The following MRPL44 variants were observed in gnomAD, a reference collection of about 807,000 sequenced individuals.
MRPL44 encodes the protein mitochondrial ribosomal protein L44, also known as large ribosomal subunit protein mL44.
In MRPL44, 21 loss-of-function variants were observed where a neutral mutation model predicts 25.9. That is an observed-to-expected ratio of 0.81 (90% CI 0.58 to 1.17). The LOEUF is 1.17. Among genes scored for constraint, MRPL44 ranks in the 50% most tolerant of loss-of-function variants. The pLI is 0.00. For synonymous variants in MRPL44, 169 were observed against 151.0 expected (o/e 1.12, Z -0.87); for missense variants, 410 against 398.9 (o/e 1.03, Z -0.24).
In MRPL44 at chr2:223,957,463, C is replaced by G. The variant is rs746740405; in HGVS notation, c.-10C>G. On this transcript the variant is annotated 5_prime_UTR_variant, in exon 1 of 4. Coordinates refer to ENST00000258383, the MANE Select transcript of MRPL44 (RefSeq NM_022915.5). ...CTTTCGTTCCGTCTTCCATCGTTTT[C>G]TCTCGTGCAATGGCGTCCGGGCTGG... The G allele has an allele frequency of 2.5e-6, 4 of 1,614,032 alleles. No homozygotes were observed. The highest frequency in any genetic ancestry group is 3.4e-6 in the Non-Finnish European group (4 of 1,180,028).
chr2:223,954,320 C>G (rs1689533131), upstream of MRPL44, among the ~76,000 whole-genome samples: 1 of 152,238 alleles, frequency 6.6e-6, no homozygotes, highest in Non-Finnish European at 1.5e-5. Flanking sequence ...TTGCCATTTT[C>G]ATCCAATTGA....
chr2:223,960,002 G>C lies in MRPL44; in HGVS notation c.648G>C (p.Arg216Ser). 8 of 1,592,546 alleles carry C rather than the reference G, an allele frequency of 5.0e-6. No individual in the cohort carries two copies. Among genetic ancestry groups the C allele is most frequent in the Non-Finnish European group, 6.8e-6 (8 of 1,168,244 alleles). The part of the protein sequence containing the change: ...SGPERTALFI[R>S]DFLITQMTGK... ...CTGAGAGGACTGCACTTTTCATCAG[G>C]GTACGTAACTATTAATTGGACATGC... The change falls in exon 2 of 4, where the codon AGG (arginine) becomes AGC (serine). Residue 216 changes from arginine to serine, a missense_variant and splice_region_variant. By Grantham distance (110) the Arg-to-Ser change is moderately radical. Coordinates refer to ENST00000258383, the MANE Select transcript of MRPL44 (RefSeq NM_022915.5).
chr2:223,963,678 A>G (rs1417878074), intron 2 of MRPL44, 78 bp from the exon 3 acceptor site: 16 of 920,768 alleles, frequency 1.7e-5, no homozygotes, highest in Non-Finnish European at 2.4e-5. Flanking sequence ...TAATTTAAAA[A>G]GTGTAAAAAA....
At position 223,957,631 on chromosome 2, in the gene MRPL44, C is replaced by T; in HGVS notation, c.159C>T (p.Cys53=). ...TAGAGCGGCAGCGCCTTCTGCGGTG[C>T]CCGCCGCCGCCCGTGCGCCGGTAGG... ...KELERQRLLR[C]PPPPVRRSEK... The change falls in exon 1 of 4, where the codon TGC becomes TGT. Residue 53 remains cysteine, a synonymous_variant. Coordinates refer to ENST00000258383, the MANE Select transcript of MRPL44 (RefSeq NM_022915.5). 5 of 1,608,300 alleles carry T rather than the reference C, an allele frequency of 3.1e-6. No individual in the cohort carries two copies. The highest frequency in any genetic ancestry group is 4.2e-6 in the Non-Finnish European group (5 of 1,179,544).
intron 3 of MRPL44, 110 bp downstream of exon 3, chr2:223,964,044 C>T (rs1376984652): frequency 7.5e-6 from 6 of 801,110 alleles, no homozygotes; most frequent in African/African-American, 1.8e-5. Context: ...GTTAACATAA[C>T]CTCTTCAGAT....
intron 1 of MRPL44, among the ~76,000 whole-genome samples, chr2:223,958,444 C>G (rs948334405): frequency 2.0e-5 from 3 of 152,184 alleles, no homozygotes; most frequent in East Asian, 1.9e-4. Context: ...GAACGGTCTT[C>G]TAACAGAGAA....
intron 3 of MRPL44, 78 bp downstream of exon 3, chr2:223,964,012 C>T: frequency 8.8e-7 from 1 of 1,138,226 alleles, no homozygotes; most frequent in Middle Eastern, 2.0e-4. Context: ...CTTAAAAACA[C>T]TCTTCACATT....
In MRPL44 at chr2:223,959,936, T is replaced by C; in HGVS notation, c.582T>C (p.Thr194=). ...TGCCCCCAGCTGTGTTACAGCAGAC[T>C]TTCTTTGCAGTTATTGGAGCCCTGT... ...FPVPPAVLQQ[T]FFAVIGALLQ... is the part of the protein sequence containing the mutation. The change falls in exon 2 of 4, where the codon ACT becomes ACC. Residue 194 remains threonine (T), a synonymous_variant. Coordinates refer to ENST00000258383, the MANE Select transcript of MRPL44 (RefSeq NM_022915.5). 6.2e-7 allele frequency: 1 copy of C among 1,614,240 alleles called. No homozygotes were observed. Among genetic ancestry groups the C allele is most frequent in the Non-Finnish European group, 8.5e-7 (1 of 1,180,036 alleles).
chr2:223,957,168 AAG>A (rs1293110854), upstream of MRPL44, among the ~76,000 whole-genome samples: 2 of 152,286 alleles, frequency 1.3e-5, no homozygotes, highest in African/African-American at 4.8e-5. Context: ...AGGAAGGAAC[AAG>A]AGAGTGACAG....
chr2:223,964,035 TTAACA>T (rs1214675235), intron 3 of MRPL44, 101 bp downstream of exon 3: 1 of 911,716 alleles, frequency 1.1e-6, no homozygotes, highest in Non-Finnish European at 1.7e-6. Flanking sequence ...ATAAGGAATG[TTAACA>T]TAACCTCTTC....
upstream of MRPL44, among the ~76,000 whole-genome samples, chr2:223,957,215 A>C (rs895870440): frequency 6.6e-6 from 1 of 152,272 alleles, no homozygotes; most frequent in East Asian, 1.9e-4. Flanking sequence ...TTTTGGGCGC[A>C]AACGCCCTCA....
At chr2:223,955,149 A>T (rs1689545492), upstream of MRPL44, among the ~76,000 whole-genome samples, 3 of 152,174 alleles carry the variant, frequency 2.0e-5, no homozygotes, top group South Asian at 6.2e-4. Flanking sequence ...TTTGCTAATC[A>T]GTTTTACTAT....
At chr2:223,966,793 T>G in intron 3 of MRPL44, 70 bp from the exon 4 acceptor site, 1 of 1,401,480 alleles carries the variant, frequency 7.1e-7, no homozygotes, top group Non-Finnish European at 9.7e-7. Context: ...CATAATTGCT[T>G]TATAACTGCT....
At chr2:223,957,837 G>A (rs1387498669) in intron 1 of MRPL44, among the ~76,000 whole-genome samples, 186 bp downstream of exon 1, 1 of 152,222 alleles carries the variant, frequency 6.6e-6, no homozygotes. Flanking sequence ...GCGGGCGGTA[G>A]AGCTTCGGGC....
chr2:223,960,016 A>G lies in MRPL44; in HGVS notation c.648+14A>G. 1.3e-6 allele frequency: 2 copies of G among 1,563,230 alleles called. No individual in the cohort carries two copies. The highest frequency in any genetic ancestry group is 1.7e-6 in the Non-Finnish European group (2 of 1,144,504). ...CTTTTCATCAGGGTACGTAACTATT[A>G]ATTGGACATGCTTGAGATAGACAGA... On this transcript the variant is annotated intron_variant, in intron 2 of 3. Coordinates refer to ENST00000258383, the MANE Select transcript of MRPL44 (RefSeq NM_022915.5).
chr2:223,960,618 C>A (rs1015185428), intron 2 of MRPL44, among the ~76,000 whole-genome samples: 2 of 152,184 alleles, frequency 1.3e-5, no homozygotes, highest in Non-Finnish European at 2.9e-5. Flanking sequence ...GATTCAGGCA[C>A]CTATCTGACT....
chr2:223,964,041 T>TA, intron 3 of MRPL44, 107 bp downstream of exon 3: 1 of 834,490 alleles, frequency 1.2e-6, no homozygotes, highest in Non-Finnish European at 1.8e-6. Flanking sequence ...AATGTTAACA[T>TA]AACCTCTTCA....
Position 223,963,924 on chromosome 2 carries a change from G to A in MRPL44, c.817G>A (p.Gly273Ser), listed in dbSNP as rs1185739056. ...GTTALPLYFV[G>S]LYCDKKLIAE... The stretch of plus-strand genomic sequence containing the variant: ...CACAGCTTTGCCTTTGTATTTTGTT[G>A]GCTTATACTGGTTAGTGAAATTTTA... The change falls in exon 3 of 4, where the codon GGC becomes AGC. Residue 273 changes from glycine to serine, a missense_variant. Gly to Ser is a moderately conservative substitution (Grantham distance 56, BLOSUM62 0). Coordinates refer to ENST00000258383, the MANE Select transcript of MRPL44 (RefSeq NM_022915.5). The A allele has an allele frequency of 3.1e-6, 5 of 1,610,878 alleles. No individual in the cohort carries two copies. In the African/African-American group the frequency reaches 5.4e-5, roughly 17 times the overall value.
intron 3 of MRPL44, 128 bp downstream of exon 3, chr2:223,964,062 C>T (rs1282929433): frequency 1.3e-5 from 9 of 672,210 alleles, no homozygotes; most frequent in African/African-American, 1.3e-4. Flanking sequence ...GATTCCTTAA[C>T]GTAACTTCTA....
Sources: gnomAD v4.1 joint callset for allele counts (sites outside exome capture counted in the v4.1 genomes callset) on GRCh38, gnomAD v4.1.1 for gene constraint, MANE v1.5 for transcripts, NCBI Gene and HGNC (gene_info 2026-07-23, HGNC 2026-07-21) for gene names.